Variants in CHAT observed in about 807,000 individuals in gnomAD.
CHAT encodes choline O-acetyltransferase.
Under a neutral mutation model 76.9 loss-of-function variants are expected in CHAT, and 61 were observed. The ratio of observed to expected loss-of-function variants is 0.79; its 90% CI spans 0.65 to 0.98. The LOEUF (loss-of-function observed/expected upper bound fraction) is 0.98, where lower values mean the gene tolerates loss of function less well. Ranked by LOEUF, CHAT falls within the 50% of genes least tolerant of loss-of-function variation. The pLI is 0.00. For synonymous variants in CHAT, 407 were observed against 397.4 expected, an observed-to-expected ratio of 1.02 and a Z score of -0.29; for missense variants, 946 against 986.9, an observed-to-expected ratio of 0.96 and a Z score of 0.56.
At chr10:49,662,029 G>A (rs1049549009) in intron 13 of CHAT, among the ~76,000 whole-genome samples, 3 of 152,218 alleles carry the variant, frequency 2.0e-5, no homozygotes, top group African/African-American at 2.4e-5. Context: ...GTCTCAAAAC[G>A]ATTTCTTAGA....
rs10857525 is a variant in CHAT, at chr10:49,660,865, G to A, written c.1840-1780G>A. ...TGGACATGGAGGGTAAGGAAAGGGGGAAAGAAGCAAGGAAACCTAATAACT... is the reference window on the plus strand; with the variant it reads ...TGGACATGGAGGGTAAGGAAAGGGGAAAAGAAGCAAGGAAACCTAATAACT... On this transcript the variant is annotated intron_variant, in intron 13 of 14. Transcript: ENST00000337653. Among the ~76,000 whole-genome samples, 2,330 of 152,198 alleles carry A rather than the reference G, an allele frequency of 0.015. 263 individuals are homozygous for A. The East Asian group carries it at 0.3, about 20-fold the overall frequency.
intron 10 of CHAT, among the ~76,000 whole-genome samples, chr10:49,651,398 A>AC (rs1327497470): frequency 1.3e-5 from 2 of 152,180 alleles, no homozygotes; most frequent in Non-Finnish European, 2.9e-5. Context: ...GTGGGGAGGC[A>AC]CATAGACCTT....
chr10:49,628,483 C>T (rs1375666486), intron 7 of CHAT, among the ~76,000 whole-genome samples: 1 of 152,178 alleles, frequency 6.6e-6, no homozygotes, highest in Non-Finnish European at 1.5e-5. Flanking sequence ...TCTATTCAGA[C>T]TCTCCACATC....
intron 13 of CHAT, 108 bp downstream of exon 13, chr10:49,655,556 A>C (rs1840010003): frequency 9.6e-7 from 1 of 1,041,694 alleles, no homozygotes; most frequent in Admixed American, 1.7e-5. Context: ...GCCACCTGTT[A>C]CTCGGGGACT....
At chr10:49,611,850 C>T, upstream of CHAT, 1 of 1,605,442 alleles carries the variant, frequency 6.2e-7, no homozygotes, top group East Asian at 2.2e-5. Context: ...TCGGCGCCAG[C>T]TCGTGCATCG....
upstream of CHAT, chr10:49,611,257 G>A: frequency 8.7e-6 from 14 of 1,612,846 alleles, no homozygotes; most frequent in Non-Finnish European, 1.2e-5. Context: ...CGCCTTCGCC[G>A]AGGACTACGC....
At chr10:49,645,674 A>C (rs1360432212) in intron 7 of CHAT, among the ~76,000 whole-genome samples, 1 of 152,120 alleles carries the variant, frequency 6.6e-6, no homozygotes, top group African/African-American at 2.4e-5. Flanking sequence ...TCCTTGGTGA[A>C]ATCACGTGCT....
At chr10:49,634,302 G>A (rs1250739901) in intron 7 of CHAT, among the ~76,000 whole-genome samples, 8 of 152,212 alleles carry the variant, frequency 5.3e-5, no homozygotes. Flanking sequence ...AGGACCAAGG[G>A]GATGGGCGGT....
At position 49,616,569 on chromosome 10, in the gene CHAT, G is replaced by T; in HGVS notation, c.354G>T (p.Lys118Asn). ...KTPILEKVPRKMAAKTPSSEE... is the reference protein window; with the variant it reads ...KTPILEKVPRNMAAKTPSSEE... Reference sequence around the variant, plus strand: ...CCATCCTGGAAAAGGTCCCCCGTAAGATGGCAGCAAAAACTCCCAGCAGTG... The same window carrying T: ...CCATCCTGGAAAAGGTCCCCCGTAATATGGCAGCAAAAACTCCCAGCAGTG... The change falls in exon 2 of 15, where the codon AAG becomes AAT. Residue 118 changes from lysine (K) to asparagine (N), a missense_variant. By Grantham distance (94) the Lys-to-Asn change is moderately conservative. Around this residue, in one of 3 missense-constraint regions of CHAT, gnomAD observed 548 missense variants for 516.2 expected, o/e 1.06. Transcript: ENST00000337653. The T allele has an allele frequency of 6.2e-7, 1 of 1,612,948 alleles. No homozygotes were observed. The highest frequency in any genetic ancestry group is 1.3e-5 in the African/African-American group (1 of 74,988).
intron 7 of CHAT, 109 bp downstream of exon 7, chr10:49,627,894 G>GGCCCT: frequency 2.3e-6 from 3 of 1,304,090 alleles, no homozygotes; most frequent in Non-Finnish European, 3.2e-6. Flanking sequence ...CCATAGTGTG[G>GGCCCT]GAGCTCAGGG....
chr10:49,625,435 C>A (rs375895059), intron 5 of CHAT, 38 bp from the exon 6 acceptor site: 3 of 1,600,862 alleles, frequency 1.9e-6, no homozygotes, highest in Admixed American at 1.7e-5. Flanking sequence ...ACCCACCATC[C>A]CCTCGTGGCT....
chr10:49,658,886 G>GA (rs897627932), intron 13 of CHAT, among the ~76,000 whole-genome samples: 23 of 152,150 alleles, frequency 1.5e-4, no homozygotes, highest in Middle Eastern at 3.4e-3. Context: ...AAATATGGTA[G>GA]AAAAAAATTC....
chr10:49,646,582 G>C lies in CHAT; in HGVS notation c.1189G>C (p.Glu397Gln). The change falls in exon 8 of 15, where the codon GAG (glutamate) becomes CAG (glutamine). Residue 397 changes from glutamate to glutamine, a missense_variant. By Grantham distance (29) the Glu-to-Gln change is conservative. Around this residue, in one of 3 missense-constraint regions of CHAT, gnomAD observed 49 missense variants for 76.7 expected, o/e 0.64. Coordinates refer to ENST00000337653, the MANE Select transcript of CHAT (RefSeq NM_020549.5). ...LVCLDAPGGV[E>Q]LSDTHRALQL... ...ATGCCTGGACGCGCCAGGAGGCGTG[G>C]AGCTCAGCGACACCCACAGGGCACT... The C allele has an allele frequency of 6.2e-7, 1 of 1,614,220 alleles. No homozygotes were observed. Among genetic ancestry groups the C allele is most frequent in the Non-Finnish European group, 8.5e-7 (1 of 1,180,030 alleles).
Position 49,648,561 on chromosome 10 carries a change from G to A in CHAT, c.1336G>A (p.Asp446Asn). 3 of 1,614,026 alleles carry A rather than the reference G, an allele frequency of 1.9e-6. No individual in the cohort carries two copies. The highest frequency in any genetic ancestry group is 1.1e-5 in the South Asian group (1 of 91,066). ...TGTGGTGTGCGAACACTCCCCATTC[G>A]ATGGCATCGTCCTGGTGCAGTGCAC... is the stretch of plus-strand genomic sequence containing the variant. The part of the protein sequence containing the change: ...CGVVCEHSPF[D>N]GIVLVQCTEH... Residue 446 changes from aspartate to asparagine, a missense_variant, in exon 9 of 15, where the codon GAT becomes AAT. By Grantham distance (23) the Asp-to-Asn change is conservative (BLOSUM62 1). Around this residue, in one of 3 missense-constraint regions of CHAT, gnomAD observed 349 missense variants for 393.9 expected, o/e 0.89. Coordinates refer to ENST00000337653, the MANE Select transcript of CHAT (RefSeq NM_020549.5).
rs1041734877 is a variant in CHAT at position 49,638,446 on chromosome 10, C to T, written c.1112-8059C>T. Among the ~76,000 whole-genome samples the T allele has an allele frequency of 1.2e-4, 18 of 152,148 alleles. 1 individual carries two copies. The highest frequency in any genetic ancestry group is 1.9e-4 in the Non-Finnish European group (13 of 68,008). The stretch of plus-strand genomic sequence containing the variant: ...GAACATTTACACTTTACATAATTAT[C>T]GATGTGTTAGGGCTTAACTCTGATA... On this transcript the variant is annotated intron_variant, in intron 7 of 14. Transcript: ENST00000337653.
chr10:49,649,907 A>C (rs1256033830), intron 10 of CHAT, among the ~76,000 whole-genome samples: 2 of 131,824 alleles, frequency 1.5e-5, no homozygotes, highest in Non-Finnish European at 1.5e-5. Flanking sequence ...GTTTCACCTG[A>C]CTGAGCAGAG....
At chr10:49,651,477 T>C (rs932883069) in intron 10 of CHAT, among the ~76,000 whole-genome samples, 2 of 152,190 alleles carry the variant, frequency 1.3e-5, no homozygotes, top group African/African-American at 2.4e-5. Context: ...GATTGTTCAA[T>C]ATGAGGGTCA....
At chr10:49,617,391 G>A (rs559288944) in intron 2 of CHAT, among the ~76,000 whole-genome samples, 1 of 152,290 alleles carries the variant, frequency 6.6e-6, no homozygotes, top group South Asian at 2.1e-4. Context: ...TCTGAGTCCA[G>A]CCCAGGATCT....
rs778954064 is a variant in CHAT, at chr10:49,620,594, G to A, written c.679G>A (p.Gly227Ser). 1.5e-5 allele frequency: 24 copies of A among 1,613,186 alleles called. No homozygotes were observed. Among genetic ancestry groups the A allele is most frequent in the Non-Finnish European group, 2.0e-5 (24 of 1,179,442 alleles). Residue 227 changes from glycine to serine, a missense_variant, in exon 4 of 15, where the codon GGC (glycine) becomes AGC (serine). Physicochemically the swap from Gly to Ser is moderately conservative, Grantham distance 56. Coordinates refer to ENST00000337653, the MANE Select transcript of CHAT (RefSeq NM_020549.5). ...GATCTTTGCTCGGCAGCACTTCCCT[G>A]GCACCGATGACCAGCTGAGGTGAGG... ...AVIFARQHFPGTDDQLRFAAS... is the reference protein window; with the variant it reads ...AVIFARQHFPSTDDQLRFAAS...
Sources: gnomAD v4.1 joint callset for allele counts (sites outside exome capture counted in the v4.1 genomes callset) on GRCh38, gnomAD v4.1.1 for gene constraint, gnomAD v4.1.1 regional missense constraint, MANE v1.5 for transcripts, NCBI Gene and HGNC (gene_info 2026-07-23, HGNC 2026-07-21) for gene names.